SCCPDH: variants seen among roughly 807,000 people sequenced by gnomAD.
SCCPDH encodes the protein saccharopine dehydrogenase (putative), also known as saccharopine dehydrogenase-like oxidoreductase.
Under a neutral mutation model 51.5 loss-of-function variants are expected in SCCPDH, and 34 were observed. The ratio of observed to expected loss-of-function variants is 0.66; its 90% confidence interval spans 0.50 to 0.88. The LOEUF (loss-of-function observed/expected upper bound fraction) is 0.88. Ranked by LOEUF, SCCPDH falls within the 40% of genes least tolerant of loss-of-function variation. The pLI is 0.00. For synonymous variants in SCCPDH, 187 were observed against 191.3 expected (o/e 0.98, Z 0.19); for missense variants, 464 against 527.1 (o/e 0.88, Z 1.17).
Position 246,728,331 on chromosome 1 carries a change from A to G in SCCPDH, c.303+1327A>G, listed in dbSNP as rs114226609. ...TTCATCTCATTCTTAACTAGCTTAGATTCCATCCATGAGGTCCACTGCTGC... is the reference window on the plus strand; with the variant it reads ...TTCATCTCATTCTTAACTAGCTTAGGTTCCATCCATGAGGTCCACTGCTGC... On this transcript the variant is annotated intron_variant, in intron 2 of 11. Transcript: ENST00000366510. 4.5e-3 allele frequency among the ~76,000 whole-genome samples: 681 copies of G among 152,350 alleles called. 6 individuals carry two copies. Among genetic ancestry groups the G allele is most frequent in the African/African-American group, 0.015 (637 of 41,576 alleles).
rs1396248528 is a variant in SCCPDH at position 246,724,479 on chromosome 1, C to A, written c.57C>A (p.Thr19=). ...TGGTGTTCGGCGCGTCTGGCTTCAC[C>A]GGCCAGTTCGTGACCGAGGAGGTGG... ...HLVVFGASGF[T]GQFVTEEVAR... is the part of the protein sequence containing the mutation. Residue 19 remains threonine, a synonymous_variant, in exon 1 of 12, where the codon ACC becomes ACA. Coordinates refer to ENST00000366510, the MANE Select transcript of SCCPDH (RefSeq NM_016002.3). 1 of 1,588,316 alleles carries A rather than the reference C, an allele frequency of 6.3e-7. No homozygotes were observed. Among genetic ancestry groups the A allele is most frequent in the African/African-American group, 1.4e-5 (1 of 72,460 alleles).
At chr1:246,752,928 T>G (rs562481246) in intron 5 of SCCPDH, among the ~76,000 whole-genome samples, 18 of 152,326 alleles carry the variant, frequency 1.2e-4, no homozygotes, top group African/African-American at 4.3e-4. Context: ...TCGAAACATT[T>G]GTTTTGTCCT....
At chr1:246,733,153 C>T (rs199539410) in intron 2 of SCCPDH, among the ~76,000 whole-genome samples, 1 of 152,032 alleles carries the variant, frequency 6.6e-6, no homozygotes, top group East Asian at 1.9e-4. Context: ...GTGGCACGAA[C>T]ACAGCTCACT....
chr1:246,748,373 G>A (rs74221617), intron 5 of SCCPDH, among the ~76,000 whole-genome samples: 6,931 of 152,300 alleles, frequency 0.046, 337 homozygotes, highest in East Asian at 0.17. Context: ...GGGACAAAGC[G>A]GTAAGTCTTT....
intron 5 of SCCPDH, among the ~76,000 whole-genome samples, chr1:246,757,200 C>T (rs1010619548): frequency 6.6e-6 from 1 of 151,978 alleles, no homozygotes; most frequent in African/African-American, 2.4e-5. Context: ...AAAAATTAGC[C>T]AGGCATGGTG....
At chr1:246,761,329 C>G (rs1053261118) in intron 9 of SCCPDH, among the ~76,000 whole-genome samples, 2 of 152,220 alleles carry the variant, frequency 1.3e-5, no homozygotes, top group African/African-American at 2.4e-5. Flanking sequence ...CCTGCCTCAG[C>G]CTCCCAAAGT....
chr1:246,732,369 G>A (rs1668505155), intron 2 of SCCPDH, among the ~76,000 whole-genome samples: 1 of 151,948 alleles, frequency 6.6e-6, no homozygotes, highest in Admixed American at 6.6e-5. Context: ...TTCCAGGATA[G>A]GTAGCATGAA....
chr1:246,744,385 C>G (rs1411358599), intron 5 of SCCPDH, among the ~76,000 whole-genome samples: 1 of 152,124 alleles, frequency 6.6e-6, no homozygotes, highest in Non-Finnish European at 1.5e-5. Flanking sequence ...ATGGCATGAT[C>G]TCGGCTCACT....
chr1:246,759,427 T>C (rs1030040047), intron 7 of SCCPDH, among the ~76,000 whole-genome samples: 1 of 152,204 alleles, frequency 6.6e-6, no homozygotes, highest in Non-Finnish European at 1.5e-5. Context: ...CCAGAATCCC[T>C]GTTTAGGGTT....
At position 246,758,257 on chromosome 1, in the gene SCCPDH, C is replaced by T. The variant is rs746666087; in HGVS notation, c.596C>T (p.Ser199Leu). The T allele has an allele frequency of 1.2e-6, 2 of 1,606,968 alleles. No individual in the cohort carries two copies. The highest frequency in any genetic ancestry group is 1.1e-5 in the South Asian group (1 of 89,720). ...GLSIHDGTWK[S>L]AIYGFGDQSN... ...AGCATTCATGATGGTACCTGGAAGT[C>T]AGCAATTTATGGTTTTGGAGATCAG... Residue 199 changes from serine to leucine, a missense_variant, in exon 6 of 12, where the codon TCA becomes TTA. Transcript: ENST00000366510.
intron 5 of SCCPDH, among the ~76,000 whole-genome samples, chr1:246,750,974 T>A (rs904667951): frequency 6.6e-6 from 1 of 152,238 alleles, no homozygotes; most frequent in African/African-American, 2.4e-5. Context: ...GAGGACTGCG[T>A]CACACATGGC....
In SCCPDH at chr1:246,736,018, A is replaced by G; in HGVS notation, c.347A>G (p.Asn116Ser). The part of the protein sequence containing the change: ...GEPVIKACIE[N>S]GASCIDISGE... Reference sequence around the variant, plus strand: ...CCTGTAATAAAAGCATGTATTGAAAATGGAGCCAGTTGTATCGACATCAGT... The same window carrying G: ...CCTGTAATAAAAGCATGTATTGAAAGTGGAGCCAGTTGTATCGACATCAGT... Residue 116 changes from asparagine (N) to serine (S), a missense_variant, in exon 3 of 12, where the codon AAT becomes AGT. Asn to Ser is a conservative substitution (Grantham distance 46). Coordinates refer to ENST00000366510, the MANE Select transcript of SCCPDH (RefSeq NM_016002.3). 1 of 1,613,252 alleles carries G rather than the reference A, an allele frequency of 6.2e-7. No individual in the cohort carries two copies. The highest frequency in any genetic ancestry group is 1.1e-5 in the South Asian group (1 of 90,996).
At chr1:246,732,014 T>A (rs577962405) in intron 2 of SCCPDH, among the ~76,000 whole-genome samples, 1 of 152,236 alleles carries the variant, frequency 6.6e-6, no homozygotes, top group Non-Finnish European at 1.5e-5. Context: ...GTTTCCAGCT[T>A]CATCCATGTC....
intron 5 of SCCPDH, among the ~76,000 whole-genome samples, chr1:246,747,975 C>T (rs988162736): frequency 6.6e-6 from 1 of 152,176 alleles, no homozygotes; most frequent in Non-Finnish European, 1.5e-5. Context: ...GATCTCAGGA[C>T]TCATTGTACG....
chr1:246,728,883 C>T (rs1668441969), intron 2 of SCCPDH, among the ~76,000 whole-genome samples: 1 of 152,178 alleles, frequency 6.6e-6, no homozygotes, highest in African/African-American at 2.4e-5. Flanking sequence ...TCGGGGGAAC[C>T]AGCCCCCAGT....
chr1:246,725,574 G>A (rs908370873), intron 1 of SCCPDH, among the ~76,000 whole-genome samples: 2 of 152,152 alleles, frequency 1.3e-5, no homozygotes, highest in Non-Finnish European at 2.9e-5. Flanking sequence ...ACAATGCCCT[G>A]CTCGGAGTGC....
chr1:246,730,425 G>A (rs370224688), intron 2 of SCCPDH, among the ~76,000 whole-genome samples: 2 of 152,316 alleles, frequency 1.3e-5, no homozygotes, highest in Admixed American at 6.5e-5. Flanking sequence ...AGGCCTCAGC[G>A]TTTAAGCTTT....
intron 5 of SCCPDH, 44 bp from the exon 6 acceptor site, chr1:246,758,182 A>G (rs1271521039): frequency 3.4e-6 from 5 of 1,457,398 alleles, no homozygotes; most frequent in Non-Finnish European, 4.6e-6. Flanking sequence ...ACATTTTAGT[A>G]ACTACCCTTT....
rs7552326 is a variant in SCCPDH at position 246,731,374 on chromosome 1, G to A, written c.303+4370G>A. Among the ~76,000 whole-genome samples, 385 of 152,362 alleles carry A rather than the reference G, an allele frequency of 2.5e-3. 2 individuals are homozygous for A. Among genetic ancestry groups the A allele is most frequent in the South Asian group, 0.012 (58 of 4,832 alleles). On this transcript the variant is annotated intron_variant, in intron 2 of 11. Coordinates refer to ENST00000366510, the MANE Select transcript of SCCPDH (RefSeq NM_016002.3). ...GCGTTTTCTTTCCAGAAGGAGCTACGATTATTTTAATAAGCTCATTAATAC... is the reference window on the plus strand; with the variant it reads ...GCGTTTTCTTTCCAGAAGGAGCTACAATTATTTTAATAAGCTCATTAATAC...
Sources: allele counts gnomAD v4.1 joint callset (sites outside exome capture counted in the v4.1 genomes callset), GRCh38; gene constraint gnomAD v4.1.1; transcripts MANE v1.5; gene names NCBI Gene and HGNC (gene_info 2026-07-23, HGNC 2026-07-21).